The following RO60 variants were observed in gnomAD, a reference collection of about 807,000 sequenced individuals.
The protein encoded by RO60 is Ro60, Y RNA binding protein, also known as RNA-binding protein RO60.
In RO60, 20 loss-of-function variants were observed where a neutral mutation model predicts 55.3. The observed-to-expected ratio is 0.36, with a 90% confidence interval of 0.25 to 0.53. The LOEUF (loss-of-function observed/expected upper bound fraction) is 0.53. Among genes scored for constraint, RO60 ranks in the 20% least tolerant of loss-of-function variants. The pLI, the probability that RO60 is intolerant of heterozygous loss-of-function variation, is 0.92. For synonymous variants in RO60, 213 were observed against 213.6 expected, an observed-to-expected ratio of 1.00 and a Z score of 0.02; for missense variants, 558 against 646.6, an observed-to-expected ratio of 0.86 and a Z score of 1.49.
chr1:193,067,346 G>A (rs891459347), intron 1 of RO60, among the ~76,000 whole-genome samples: 13 of 151,628 alleles, frequency 8.6e-5, no homozygotes, highest in Admixed American at 5.3e-4. Flanking sequence ...CTGCCAACAC[G>A]CCCGGCTAAT....
Position 193,085,960 on chromosome 1 carries a change from C to T in RO60, c.*1229C>T. On this transcript the variant is annotated 3_prime_UTR_variant, in exon 9 of 9. Coordinates refer to ENST00000400968, the MANE Select transcript of RO60 (RefSeq NM_001173524.2). ...AAGTATCCTTCATTGTGAGGTTTAA[C>T]ATTAAAGCAATCTGTTGAAATGCCA... is the stretch of plus-strand genomic sequence containing the variant. 1.0e-6 allele frequency: 1 copy of T among 985,252 alleles called. No homozygotes were observed. The highest frequency in any genetic ancestry group is 1.7e-5 in the African/African-American group (1 of 57,344). The allele number at this position is 985,252 out of a possible 1,614,324, so 61.0% of individuals were successfully genotyped here.
intron 2 of RO60, 28 bp from the exon 3 acceptor site, chr1:193,075,792 G>T (rs1280562155): frequency 6.6e-7 from 1 of 1,520,842 alleles, no homozygotes; most frequent in East Asian, 2.3e-5. Flanking sequence ...AATCCTGCAT[G>T]CTTTTTCAAT....
intron 5 of RO60, among the ~76,000 whole-genome samples, chr1:193,080,569 A>T (rs888753606): frequency 6.6e-6 from 1 of 152,000 alleles, no homozygotes; most frequent in African/African-American, 2.4e-5. Context: ...TTCTTTTTTG[A>T]ATTGTTCATT....
rs758368504 is a variant in RO60 at position 193,076,868 on chromosome 1, TA to T, written c.949-43del. 5 of 1,579,264 alleles carry T rather than the reference TA, an allele frequency of 3.2e-6. No homozygotes were observed. In the East Asian group the frequency reaches 1.1e-4, roughly 36 times the overall value. On this transcript the variant is annotated intron_variant, in intron 4 of 8. Coordinates refer to ENST00000400968, the MANE Select transcript of RO60 (RefSeq NM_001173524.2). Reference sequence around the variant, plus strand: ...AACACAAAAATCTAAGGAGTATACATAATCACTGTTTTTTGCTAAAATTTTC... The same window carrying T: ...AACACAAAAATCTAAGGAGTATACATATCACTGTTTTTTGCTAAAATTTTC...
chr1:193,077,591 C>T (rs912234257), intron 5 of RO60, among the ~76,000 whole-genome samples: 12 of 152,106 alleles, frequency 7.9e-5, no homozygotes, highest in African/African-American at 7.2e-5. Flanking sequence ...TAGGGGAAAT[C>T]GCCCCCATGA....
In RO60 at chr1:193,069,060, G is replaced by C. The variant is rs201813388; in HGVS notation, c.6G>C (p.Glu2Asp). M[E>D]ESVNQMQPLN... ...TTTCCTAAAGACAAAAAAAAATGGA[G>C]GAATCTGTAAACCAAATGCAGCCAC... Residue 2 changes from glutamate to aspartate, a missense_variant, in exon 2 of 9, where the codon GAG (glutamate) becomes GAC (aspartate). Glu to Asp is a conservative substitution (Grantham distance 45). Coordinates refer to ENST00000400968, the MANE Select transcript of RO60 (RefSeq NM_001173524.2). 9.6e-5 allele frequency: 153 copies of C among 1,600,216 alleles called. No homozygotes were observed. The African/African-American group carries it at 1.9e-3, about 20-fold the overall frequency.
downstream of RO60, chr1:193,091,523 A>G (rs1674857179): frequency 2.2e-5 from 17 of 778,064 alleles, no homozygotes; most frequent in Non-Finnish European, 2.1e-6. Flanking sequence ...TTCACTGTAA[A>G]TAATACAACT....
intron 8 of RO60, among the ~76,000 whole-genome samples, chr1:193,084,269 C>T (rs1674512570): frequency 6.6e-6 from 1 of 152,186 alleles, no homozygotes; most frequent in Admixed American, 6.5e-5. Context: ...AAATATCTGG[C>T]ACCCTTAATA....
chr1:193,066,994 G>C (rs778759889), intron 1 of RO60, among the ~76,000 whole-genome samples: 1 of 151,632 alleles, frequency 6.6e-6, no homozygotes, highest in Non-Finnish European at 1.5e-5. Context: ...TTCCACTACA[G>C]CACTTAATCA....
At chr1:193,062,141 A>G (rs576671079) in intron 1 of RO60, among the ~76,000 whole-genome samples, 8 of 152,278 alleles carry the variant, frequency 5.3e-5, no homozygotes, top group African/African-American at 9.6e-5. Context: ...AGAATTAACT[A>G]TATCTTTTTG....
chr1:193,082,146 C>G (rs1558252000), intron 6 of RO60, 40 bp from the exon 7 acceptor site: 1 of 1,188,766 alleles, frequency 8.4e-7, no homozygotes, highest in Non-Finnish European at 1.3e-6. Flanking sequence ...TTGTATTTCC[C>G]CCCAAATTTG....
rs780608063 is a variant in RO60 at position 193,059,826 on chromosome 1, G to A, written c.-22+50G>A. The stretch of plus-strand genomic sequence containing the variant: ...TGGGAGCCTTTTGTGCGGCCCCAGG[G>A]ACGCGCAAATTCTGACCAGTCCTCC... On this transcript the variant is annotated intron_variant, in intron 1 of 8. Coordinates refer to ENST00000400968, the MANE Select transcript of RO60 (RefSeq NM_001173524.2). This position sits in a 1 kb window ranked among gnomAD's most constrained non-coding sequence, Gnocchi z 4.9. The A allele has an allele frequency of 7.4e-7, 1 of 1,358,604 alleles. No homozygotes were observed. The highest frequency in any genetic ancestry group is 1.9e-5 in the Admixed American group (1 of 51,312). 84.2% of individuals were successfully genotyped at this position (1,358,604 alleles called of 1,614,324 possible). A position where few individuals can be genotyped will look rare whatever the true frequency, so the allele number is the denominator to read the frequency against.
In RO60 at chr1:193,090,337, A is replaced by C. The variant is rs1414417268; in HGVS notation, c.*5606A>C. 6.6e-6 allele frequency: 1 copy of C among 152,102 alleles called. No individual in the cohort carries two copies. The highest frequency in any genetic ancestry group is 1.5e-5 in the Non-Finnish European group (1 of 68,024). The allele number at this position is 152,102 out of a possible 1,614,324, so 9.4% of individuals were successfully genotyped here. ...CATATTGAAACTTGGCTTTATTTGT[A>C]ACGTAAACTATATATAATCCATACG... On this transcript the variant is annotated 3_prime_UTR_variant, in exon 9 of 9. Coordinates refer to ENST00000400968, the MANE Select transcript of RO60 (RefSeq NM_001173524.2).
At position 193,089,697 on chromosome 1, in the gene RO60, T is replaced by C. The variant is rs1045310320; in HGVS notation, c.*4966T>C. On this transcript the variant is annotated 3_prime_UTR_variant, in exon 9 of 9. Transcript: ENST00000400968. ...TGAATTTATATATACAACAAAAATA[T>C]ACAAAAGCTAACCTTCTCATCCTAA... 6.6e-6 allele frequency: 1 copy of C among 152,100 alleles called. No homozygotes were observed. The highest frequency in any genetic ancestry group is 2.1e-4 in the South Asian group (1 of 4,830). 9.4% of individuals were successfully genotyped at this position (152,100 alleles called of 1,614,324 possible).
intron 5 of RO60, among the ~76,000 whole-genome samples, chr1:193,079,145 T>A (rs993986162): frequency 1.4e-5 from 2 of 140,900 alleles, no homozygotes; most frequent in African/African-American, 5.2e-5. Flanking sequence ...TGGAGTGCAG[T>A]GGTGCAATAT....
At chr1:193,074,902 A>AT (rs1673797230) in intron 2 of RO60, among the ~76,000 whole-genome samples, 1 of 152,160 alleles carries the variant, frequency 6.6e-6, no homozygotes, top group Admixed American at 6.5e-5. Context: ...TCTTGAATTA[A>AT]TTTTTGTATA....
chr1:193,069,306 C>G lies in RO60; in HGVS notation c.252C>G (p.Gly84=). The G allele has an allele frequency of 6.2e-7, 1 of 1,614,214 alleles. No homozygotes were observed. The highest frequency in any genetic ancestry group is 1.3e-5 in the African/African-American group (1 of 75,056). ...AAATAAAGTCATTTAGTCAAGAAGG[C>G]AGAACCACAAAGCAAGAGCCTATGC... is the stretch of plus-strand genomic sequence containing the variant. ...IQEIKSFSQE[G]RTTKQEPMLF... Residue 84 remains glycine, a synonymous_variant, in exon 2 of 9, where the codon GGC becomes GGG. Transcript: ENST00000400968.
At chr1:193,069,778 T>C (rs144380249) in intron 2 of RO60, 144 bp downstream of exon 2, 2 of 679,516 alleles carry the variant, frequency 2.9e-6, no homozygotes, top group African/African-American at 3.6e-5. Context: ...CAAATATATT[T>C]AATGCCTTCC....
Position 193,085,529 on chromosome 1 carries a change from C to T in RO60, c.*798C>T, listed in dbSNP as rs1366489007. The T allele has an allele frequency of 1.0e-6, 1 of 984,588 alleles. No homozygotes were observed. The highest frequency in any genetic ancestry group is 1.1e-4 in the East Asian group (1 of 8,804). 61.0% of individuals were successfully genotyped at this position (984,588 alleles called of 1,614,324 possible). The stretch of plus-strand genomic sequence containing the variant: ...TTCCTCTGAATTATAATAACATAGC[C>T]AGATGTAGTCTCACACTGTTTTTCA... On this transcript the variant is annotated 3_prime_UTR_variant, in exon 9 of 9. Coordinates refer to ENST00000400968, the MANE Select transcript of RO60 (RefSeq NM_001173524.2).
Sources: allele counts gnomAD v4.1 joint callset (sites outside exome capture counted in the v4.1 genomes callset), GRCh38; gene constraint gnomAD v4.1.1; non-coding constraint Gnocchi (gnomAD v3.1); transcripts MANE v1.5; gene names NCBI Gene and HGNC (gene_info 2026-07-23, HGNC 2026-07-21).